ATP13A5: variants seen among roughly 807,000 people sequenced by gnomAD.
ATP13A5 encodes ATPase 13A5, also known as probable cation-transporting ATPase 13A5.
In ATP13A5, 149 loss-of-function variants were observed where a neutral mutation model predicts 150.2. The ratio of observed to expected loss-of-function variants is 0.99; its 90% confidence interval spans 0.87 to 1.14. ATP13A5 has a LOEUF of 1.14. Ranked by LOEUF, ATP13A5 falls within the 50% of genes most tolerant of loss-of-function variation. ATP13A5 has a pLI of 0.00. For missense variants in ATP13A5, 1,383 were observed against 1,449.3 expected (o/e 0.95, Z 0.74); for synonymous variants, 497 against 522.2 (o/e 0.95, Z 0.66).
At chr3:193,329,762 G>A (rs1384886074) in intron 12 of ATP13A5, among the ~76,000 whole-genome samples, 1 of 152,096 alleles carries the variant, frequency 6.6e-6, no homozygotes, top group African/African-American at 2.4e-5. Context: ...TCTACTCATT[G>A]GAGTCACTCC....
At chr3:193,295,526 C>T (rs1404781908) in intron 25 of ATP13A5, among the ~76,000 whole-genome samples, 1 of 152,016 alleles carries the variant, frequency 6.6e-6, no homozygotes, top group African/African-American at 2.4e-5. Context: ...GTATGTGAAT[C>T]CCCCACTGAA....
At chr3:193,364,411 T>C in intron 1 of ATP13A5, 131 bp from the exon 2 acceptor site, 1 of 1,058,226 alleles carries the variant, frequency 9.4e-7, no homozygotes, top group Non-Finnish European at 1.4e-6. Flanking sequence ...GGTGGTTAAA[T>C]CAAGTTGACT....
chr3:193,355,088 A>T (rs1394344024), intron 5 of ATP13A5, among the ~76,000 whole-genome samples: 1 of 151,986 alleles, frequency 6.6e-6, no homozygotes, highest in African/African-American at 2.4e-5. Flanking sequence ...ATGCACCATC[A>T]TGCCAGGCTA....
At position 193,351,187 on chromosome 3, in the gene ATP13A5, G is replaced by T. The variant is rs1330884579; in HGVS notation, c.621C>A (p.Phe207Leu). Residue 207 changes from phenylalanine (F) to leucine (L), a missense_variant, in exon 7 of 30, where the codon TTC becomes TTA. By Grantham distance (22) the Phe-to-Leu change is conservative (BLOSUM62 0). Coordinates refer to ENST00000342358, the MANE Select transcript of ATP13A5 (RefSeq NM_198505.4). ...KLLVKQVLNP[F>L]YVFQAFTLTL... ...TTAGGGTGAAGGCTTGGAACACATA[G>T]AATGGATTTAAAACCTGCAGGCACA... is the stretch of plus-strand genomic sequence containing the variant. The T allele has an allele frequency of 6.2e-7, 1 of 1,613,710 alleles. No individual in the cohort carries two copies.
intron 20 of ATP13A5, 143 bp downstream of exon 20, chr3:193,311,671 CTT>C (rs1441369417): frequency 2.5e-6 from 3 of 1,205,520 alleles, no homozygotes; most frequent in Non-Finnish European, 3.4e-6. Flanking sequence ...GGCCAGAAAA[CTT>C]TTTCAGGAGC....
At chr3:193,279,314 A>G in intron 28 of ATP13A5, 52 bp downstream of exon 28, 2 of 1,348,202 alleles carry the variant, frequency 1.5e-6, no homozygotes, top group African/African-American at 2.9e-5. Context: ...TACAATGAAT[A>G]CATGGTCCAT....
At chr3:193,332,685 G>A (rs1307356671) in intron 11 of ATP13A5, among the ~76,000 whole-genome samples, 2 of 152,048 alleles carry the variant, frequency 1.3e-5, no homozygotes, top group East Asian at 3.9e-4. Context: ...ACACGGAAGA[G>A]TTTTGACCCT....
At chr3:193,297,612 A>G (rs541469412) in intron 25 of ATP13A5, among the ~76,000 whole-genome samples, 2 of 152,128 alleles carry the variant, frequency 1.3e-5, no homozygotes, top group Non-Finnish European at 2.9e-5. Context: ...CTTCTGGTCT[A>G]TCGTCACCCT....
At chr3:193,282,397 C>G (rs1258496516) in intron 27 of ATP13A5, among the ~76,000 whole-genome samples, 1 of 149,982 alleles carries the variant, frequency 6.7e-6, no homozygotes, top group African/African-American at 2.5e-5. Context: ...TTTTTTGAGA[C>G]GGAGTCTCGC....
At chr3:193,362,749 C>CTTT (rs2108901111) in intron 3 of ATP13A5, 112 bp from the exon 4 acceptor site, 2 of 890,270 alleles carry the variant, frequency 2.2e-6, no homozygotes, top group Non-Finnish European at 3.7e-6. Context: ...CACTTGCTTT[C>CTTT]CTTCTTTCTT....
intron 27 of ATP13A5, among the ~76,000 whole-genome samples, chr3:193,280,504 A>C (rs952011933): frequency 6.6e-6 from 1 of 152,230 alleles, no homozygotes; most frequent in African/African-American, 2.4e-5. Context: ...AAGTGGCTTT[A>C]TCTCTGGTTC....
At chr3:193,308,762 T>C (rs1718718834) in intron 21 of ATP13A5, among the ~76,000 whole-genome samples, 1 of 152,184 alleles carries the variant, frequency 6.6e-6, no homozygotes, top group African/African-American at 2.4e-5. Flanking sequence ...TGAGGCAGTG[T>C]GTGTCTTCCT....
intron 7 of ATP13A5, among the ~76,000 whole-genome samples, chr3:193,346,288 C>G (rs769984516): frequency 6.6e-6 from 1 of 152,056 alleles, no homozygotes; most frequent in Non-Finnish European, 1.5e-5. Flanking sequence ...TGCTTGAGAT[C>G]GTTTATTGAG....
At chr3:193,325,147 A>G in intron 13 of ATP13A5, 133 bp from the exon 14 acceptor site, 1 of 856,666 alleles carries the variant, frequency 1.2e-6, no homozygotes. Flanking sequence ...CTATGCTCCA[A>G]ATGATAAAGT....
At chr3:193,369,574 A>G (rs1351759277) in intron 1 of ATP13A5, among the ~76,000 whole-genome samples, 3 of 151,878 alleles carry the variant, frequency 2.0e-5, no homozygotes, top group African/African-American at 7.3e-5. Flanking sequence ...ACACGCCCCC[A>G]GTAAAATCCA....
intron 27 of ATP13A5, among the ~76,000 whole-genome samples, chr3:193,283,970 A>G (rs1437675370): frequency 2.0e-5 from 3 of 149,824 alleles, no homozygotes; most frequent in Admixed American, 1.4e-4. Context: ...TCTGATCAGT[A>G]ATGATGGGGC....
chr3:193,279,976 TAAA>T (rs57617984), intron 27 of ATP13A5, among the ~76,000 whole-genome samples: 13 of 59,898 alleles, frequency 2.2e-4, no homozygotes, highest in African/African-American at 6.2e-4. Flanking sequence ...GTGTCTTTGT[TAAA>T]AAAAAAAAAA....
Position 193,310,711 on chromosome 3 carries a change from C to T in ATP13A5, c.2452G>A (p.Val818Met), listed in dbSNP as rs779550911. ...ATTCTTGCAAAAACTGTTCCATTCA[C>T]CAGAATCTAAAAAGAAAAAACAACC... ...HFNSLLPKIL[V>M]NGTVFARMSP... The change falls in exon 21 of 30, where the codon GTG becomes ATG. Residue 818 changes from valine to methionine, a missense_variant. Transcript: ENST00000342358. 5 of 1,599,730 alleles carry T rather than the reference C, an allele frequency of 3.1e-6. No homozygotes were observed. The highest frequency in any genetic ancestry group is 4.3e-6 in the Non-Finnish European group (5 of 1,176,250).
chr3:193,301,451 C>CCACT, intron 23 of ATP13A5, 144 bp from the exon 24 acceptor site: 1 of 630,342 alleles, frequency 1.6e-6, no homozygotes, highest in South Asian at 2.0e-5. Flanking sequence ...ATTTATTTAA[C>CCACT]CACTCATTCA....
Sources: allele counts gnomAD v4.1 joint callset (sites outside exome capture counted in the v4.1 genomes callset), GRCh38; gene constraint gnomAD v4.1.1; transcripts MANE v1.5; gene names NCBI Gene and HGNC (gene_info 2026-07-23, HGNC 2026-07-21).